PTRH2: variants seen among roughly 807,000 people sequenced by gnomAD.
PTRH2 encodes peptidyl-tRNA hydrolase 2, mitochondrial.
A neutral mutation model predicts 12.3 loss-of-function variants in PTRH2; 10 were observed. The ratio of observed to expected loss-of-function variants is 0.81; its 90% CI spans 0.50 to 1.38. The LOEUF (loss-of-function observed/expected upper bound fraction) is 1.38. Among genes scored for constraint, PTRH2 ranks in the 40% most tolerant of loss-of-function variants. The probability of loss-of-function intolerance (pLI) is 0.00; values close to 1 mark genes in which losing one functional copy is unlikely to be tolerated. For synonymous variants in PTRH2, 73 were observed against 77.4 expected (o/e 0.94, Z 0.30); for missense variants, 176 against 214.1 (o/e 0.82, Z 1.11).
intron 1 of PTRH2, chr17:59,701,372 G>A (rs1412728551): frequency 1.3e-5 from 2 of 152,174 alleles, no homozygotes; most frequent in Non-Finnish European, 2.9e-5. Flanking sequence ...TTGAAGAACA[G>A]GTGTAATGAA....
At chr17:59,707,049 A>C (rs895000291) in intron 1 of PTRH2, 2 of 152,182 alleles carry the variant, frequency 1.3e-5, no homozygotes, top group Admixed American at 6.5e-5. Flanking sequence ...GGGGATATTC[A>C]TAAGTGCCCA....
intron 1 of PTRH2, among the ~76,000 whole-genome samples, chr17:59,705,464 G>A (rs1314181653): frequency 6.6e-6 from 1 of 152,026 alleles, no homozygotes; most frequent in Non-Finnish European, 1.5e-5. Flanking sequence ...CTGTCACCCA[G>A]GCTAGAGTTC....
chr17:59,698,155 A>G (rs1038696513), intron 1 of PTRH2, 177 bp from the exon 2 acceptor site: 4 of 620,058 alleles, frequency 6.5e-6, no homozygotes, highest in African/African-American at 5.5e-5. Flanking sequence ...CCACCAGTGT[A>G]CTAGAAAAGA....
chr17:59,702,373 T>C (rs1817481380), intron 1 of PTRH2, among the ~76,000 whole-genome samples: 1 of 152,214 alleles, frequency 6.6e-6, no homozygotes, highest in Non-Finnish European at 1.5e-5. Context: ...ATCCCTCGCA[T>C]GGGCAGTTCA....
At position 59,698,672 on chromosome 17, in the gene PTRH2, G is replaced by A. The variant is rs555066761; in HGVS notation, c.1-694C>T. On this transcript the variant is annotated intron_variant, in intron 1 of 1. Transcript: ENST00000393038. ...ATTAACCCAATTAATTGAAAATACT[G>A]TAAGCCAAAAATGCATTTAATACAC... The A allele has an allele frequency of 2.2e-5, 12 of 537,752 alleles. No individual in the cohort carries two copies. In the Admixed American group the frequency reaches 2.5e-4, roughly 11 times the overall value. 33.3% of individuals were successfully genotyped at this position (537,752 alleles called of 1,614,324 possible).
At chr17:59,706,134 T>C (rs2033650086) in intron 1 of PTRH2, among the ~76,000 whole-genome samples, 1 of 152,238 alleles carries the variant, frequency 6.6e-6, no homozygotes, top group South Asian at 2.1e-4. Context: ...TCTGTACACT[T>C]ACGACAAGCG....
chr17:59,705,859 T>C (rs2143655060), intron 1 of PTRH2, among the ~76,000 whole-genome samples: 1 of 150,644 alleles, frequency 6.6e-6, no homozygotes, highest in African/African-American at 2.4e-5. Context: ...CAGTGAGCCA[T>C]GATCGTGCCA....
At chr17:59,699,086 C>A in intron 1 of PTRH2, 1 of 556,642 alleles carries the variant, frequency 1.8e-6, no homozygotes, top group East Asian at 3.0e-5. Context: ...CAAGTTTTGA[C>A]CGTACAGCTT....
chr17:59,698,415 C>A (rs972725363), intron 1 of PTRH2: 1 of 216,608 alleles, frequency 4.6e-6, no homozygotes, highest in South Asian at 8.1e-5. Flanking sequence ...AAGAACCTCA[C>A]TGTCACATTA....
chr17:59,698,019 C>T (rs779331292), intron 1 of PTRH2, 41 bp from the exon 2 acceptor site: 2 of 1,575,392 alleles, frequency 1.3e-6, no homozygotes, highest in Middle Eastern at 1.7e-4. Flanking sequence ...CCGGCAGTAA[C>T]AACTTACAGA....
In PTRH2 at chr17:59,698,864, T is replaced by C. The variant is rs1311034184; in HGVS notation, c.1-886A>G. On this transcript the variant is annotated intron_variant, in intron 1 of 1. Coordinates refer to ENST00000393038, the MANE Select transcript of PTRH2 (RefSeq NM_016077.5). ...AAGTGGAAAACAATGGTTGTATGGG[T>C]ACTCACCATTAATTTACACAGCTGA... 4.2e-6 allele frequency: 3 copies of C among 716,328 alleles called. No homozygotes were observed. In the African/African-American group the frequency reaches 5.2e-5, roughly 13 times the overall value. The allele number at this position is 716,328 out of a possible 1,614,324, so 44.4% of individuals were successfully genotyped here.
rs1462207327 is a variant in PTRH2 at position 59,699,094 on chromosome 17, C to G, written c.1-1116G>C. ...AAGATACCAAGTTTTGACCGTACAG[C>G]TTGTTTCTTCTTTTCACTATATATT... On this transcript the variant is annotated intron_variant, in intron 1 of 1. Coordinates refer to ENST00000393038, the MANE Select transcript of PTRH2 (RefSeq NM_016077.5). 1.3e-5 allele frequency: 7 copies of G among 544,720 alleles called. No individual in the cohort carries two copies. The African/African-American group carries it at 1.3e-4, about 10-fold the overall frequency. The allele number at this position is 544,720 out of a possible 1,614,324, so 33.7% of individuals were successfully genotyped here.
chr17:59,702,343 A>G (rs1015311234), intron 1 of PTRH2, among the ~76,000 whole-genome samples: 40 of 152,208 alleles, frequency 2.6e-4, no homozygotes, highest in African/African-American at 8.9e-4. Context: ...TTAGATTCTC[A>G]TAAGAAGTAC....
chr17:59,697,732 C>T lies in PTRH2; in HGVS notation c.247G>A (p.Ala83Thr), dbSNP rs180743750. 1 of 1,614,196 alleles carries T rather than the reference C, an allele frequency of 6.2e-7. No homozygotes were observed. The highest frequency in any genetic ancestry group is 8.5e-7 in the Non-Finnish European group (1 of 1,180,028). The change falls in exon 2 of 2, where the codon GCT becomes ACT. Residue 83 changes from alanine to threonine, a missense_variant. Ala to Thr is a moderately conservative substitution (Grantham distance 58). Transcript: ENST00000393038. ...NDLKMGKGKVAAQCSHAAVSA... is the reference protein window; with the variant it reads ...NDLKMGKGKVTAQCSHAAVSA... ...ACAGCAGCATGAGAGCACTGGGCAG[C>T]CACTTTCCCTTTTCCCATCTTTAAG...
intron 1 of PTRH2, chr17:59,700,409 A>G (rs1213140190): frequency 6.6e-6 from 1 of 152,204 alleles, no homozygotes; most frequent in Non-Finnish European, 1.5e-5. Flanking sequence ...CTATATTTGT[A>G]ATGCACTGTA....
chr17:59,701,696 G>T (rs902310459), intron 1 of PTRH2, among the ~76,000 whole-genome samples: 17 of 143,008 alleles, frequency 1.2e-4, no homozygotes, highest in Non-Finnish European at 2.1e-4. Flanking sequence ...AAACTTTGGG[G>T]TTTTTTTGTT....
At position 59,697,591 on chromosome 17, in the gene PTRH2, A is replaced by C; in HGVS notation, c.388T>G (p.Leu130Val). 1 of 1,614,206 alleles carries C rather than the reference A, an allele frequency of 6.2e-7. No homozygotes were observed. Among genetic ancestry groups the C allele is most frequent in the South Asian group, 1.1e-5 (1 of 91,088 alleles). The change falls in exon 2 of 2, where the codon TTG (leucine) becomes GTG (valine). Residue 130 changes from leucine (L) to valine (V), a missense_variant. Transcript: ENST00000393038. ...AGTCCCAGCATTTTTGCATGGGCCA[A>C]TAATGCAATCAGGGTTTCTTCATCA... ...APDEETLIAL[L>V]AHAKMLGLTV...
chr17:59,697,711 C>T lies in PTRH2; in HGVS notation c.268G>A (p.Ala90Thr). 1 of 1,614,192 alleles carries T rather than the reference C, an allele frequency of 6.2e-7. No homozygotes were observed. Among genetic ancestry groups the T allele is most frequent in the South Asian group, 1.1e-5 (1 of 91,090 alleles). ...TGAATCTGCTTGTAGGCTGAAACAG[C>T]AGCATGAGAGCACTGGGCAGCCACT... ...GKVAAQCSHAAVSAYKQIQRR... is the reference protein window; with the variant it reads ...GKVAAQCSHATVSAYKQIQRR... The change falls in exon 2 of 2, where the codon GCT becomes ACT. Residue 90 changes from alanine (A) to threonine (T), a missense_variant. Transcript: ENST00000393038.
At chr17:59,703,606 G>A (rs2033592130) in intron 1 of PTRH2, among the ~76,000 whole-genome samples, 1 of 151,888 alleles carries the variant, frequency 6.6e-6, no homozygotes, top group Non-Finnish European at 1.5e-5. Flanking sequence ...CTGGGTTCAA[G>A]TGATTCTCCT....
Sources: allele counts gnomAD v4.1 joint callset (sites outside exome capture counted in the v4.1 genomes callset), GRCh38; gene constraint gnomAD v4.1.1; transcripts MANE v1.5; gene names NCBI Gene and HGNC (gene_info 2026-07-23, HGNC 2026-07-21).